Variants in FRMPD4 observed in about 807,000 individuals in gnomAD.
FRMPD4 encodes FERM and PDZ domain-containing protein 4.
FRMPD4 carries 22 observed loss-of-function variants against 94.1 expected under a neutral mutation model. That is an observed-to-expected ratio of 0.23 (90% CI 0.17 to 0.33). FRMPD4 has a LOEUF of 0.33. Ranked by LOEUF, FRMPD4 falls within the 10% of genes least tolerant of loss-of-function variation. The pLI is 1.00. For synonymous variants in FRMPD4, 631 were observed against 548.6 expected, an observed-to-expected ratio of 1.15 and a Z score of -2.10; for missense variants, 1,111 against 1,339.9, an observed-to-expected ratio of 0.83 and a Z score of 2.67.
rs17255649 is a variant in FRMPD4, at chrX:11,895,037, A to G, written c.95+17019A>G. On this transcript the variant is annotated intron_variant, in intron 3 of 18. Coordinates refer to the FRMPD4 transcript ENST00000640291. ...GTAAAAGGTCTTAGAGCCTCTTCCC[A>G]GAAATATGTGCTCCAAGGACCAGAA... 4.7e-3 allele frequency among the ~76,000 whole-genome samples: 533 copies of G among 112,463 alleles called. 5 individuals carry two copies. The highest frequency in any genetic ancestry group is 6.8e-3 in the Non-Finnish European group (364 of 53,259).
intron 1 of FRMPD4, among the ~76,000 whole-genome samples, chrX:12,398,072 CTTTGA>C (rs1305248711): frequency 1.8e-5 from 2 of 111,074 alleles, no homozygotes; most frequent in Non-Finnish European, 3.8e-5. Flanking sequence ...GGGAGCACAC[CTTTGA>C]TTTGACCACT....
intron 1 of FRMPD4, among the ~76,000 whole-genome samples, chrX:12,281,371 TC>T (rs1356302759): frequency 9.7e-6 from 1 of 102,742 alleles, no homozygotes; most frequent in Non-Finnish European, 2.0e-5. Context: ...TTTAAAAAAG[TC>T]TTTTTTTTTT....
At chrX:12,686,246 T>C in intron 7 of FRMPD4, 42 bp downstream of exon 7, 1 of 644,292 alleles carries the variant, frequency 1.6e-6, no homozygotes, top group Middle Eastern at 3.0e-4. Context: ...CGCTTTCAGG[T>C]ACAACATGCA....
At chrX:12,029,935 C>T (rs2054682113) in intron 3 of FRMPD4, among the ~76,000 whole-genome samples, 1 of 111,547 alleles carries the variant, frequency 9.0e-6, no homozygotes, top group Admixed American at 9.5e-5. Flanking sequence ...GGAGACCTTC[C>T]AATTCAACAT....
At chrX:12,276,367 A>G (rs2054435761) in intron 1 of FRMPD4, among the ~76,000 whole-genome samples, 1 of 112,477 alleles carries the variant, frequency 8.9e-6, no homozygotes, top group African/African-American at 3.2e-5. Context: ...TTGGGGAAAC[A>G]TAAGGCATCA....
chrX:12,362,399 C>T (rs1267961241), intron 1 of FRMPD4, among the ~76,000 whole-genome samples: 3 of 110,153 alleles, frequency 2.7e-5, no homozygotes, highest in Admixed American at 1.9e-4. Context: ...ATGTTCCCCA[C>T]CCTGTGTCCA....
chrX:11,949,570 G>A (rs763746863), intron 3 of FRMPD4, among the ~76,000 whole-genome samples: 2 of 112,389 alleles, frequency 1.8e-5, no homozygotes, highest in Admixed American at 1.9e-4. Flanking sequence ...GTATATGTGT[G>A]TGTGTATGTG....
At chrX:12,546,870 A>C (rs1208034729) in intron 2 of FRMPD4, among the ~76,000 whole-genome samples, 2 of 108,960 alleles carry the variant, frequency 1.8e-5, no homozygotes, top group African/African-American at 6.7e-5. Flanking sequence ...CACTGGTACC[A>C]GGCTGGGTGA....
intron 1 of FRMPD4, among the ~76,000 whole-genome samples, chrX:12,318,062 G>A (rs5979589): frequency 0.27 from 30,173 of 111,817 alleles, 3,790 homozygotes; most frequent in African/African-American, 0.49. Context: ...GTGCCCATCA[G>A]TGGATGAATG....
intron 16 of FRMPD4, among the ~76,000 whole-genome samples, chrX:12,720,280 A>G (rs978754668): frequency 1.8e-5 from 2 of 111,745 alleles, no homozygotes; most frequent in Non-Finnish European, 3.8e-5. Context: ...AATGTTTGGG[A>G]TTTCTAGACA....
chrX:12,370,604 C>G (rs1211852617), intron 1 of FRMPD4, among the ~76,000 whole-genome samples: 2 of 112,320 alleles, frequency 1.8e-5, no homozygotes, highest in African/African-American at 6.5e-5. Flanking sequence ...CTGCAAAAAT[C>G]TGCTCACGTG....
chrX:12,003,504 C>G (rs1186499363), intron 3 of FRMPD4, among the ~76,000 whole-genome samples: 1 of 111,608 alleles, frequency 9.0e-6, no homozygotes, highest in Non-Finnish European at 1.9e-5. Flanking sequence ...ACCTTCACCT[C>G]AGGTGATCCT....
chrX:12,210,247 G>A (rs1307901684), intron 1 of FRMPD4, among the ~76,000 whole-genome samples: 3 of 112,173 alleles, frequency 2.7e-5, no homozygotes, highest in Non-Finnish European at 5.6e-5. Context: ...AGCTGCTTCT[G>A]CATGATACAC....
At chrX:12,048,697 T>A (rs1336005521) in intron 3 of FRMPD4, among the ~76,000 whole-genome samples, 2 of 112,236 alleles carry the variant, frequency 1.8e-5, no homozygotes, top group Non-Finnish European at 3.8e-5. Flanking sequence ...TTCATTCATC[T>A]GCATATGGCT....
chrX:12,012,001 A>G (rs1372056459), intron 3 of FRMPD4, among the ~76,000 whole-genome samples: 11 of 109,539 alleles, frequency 1.0e-4, no homozygotes, highest in Admixed American at 9.7e-5. Context: ...CCCAGGTTCA[A>G]GTGATTCTCC....
chrX:12,000,479 A>G (rs5933948), intron 3 of FRMPD4, among the ~76,000 whole-genome samples: 9,804 of 111,963 alleles, frequency 0.088, 358 homozygotes, highest in East Asian at 0.24. Flanking sequence ...AAGTTCAATT[A>G]TAGTACTAGT....
intron 1 of FRMPD4, among the ~76,000 whole-genome samples, chrX:12,447,728 T>G (rs1296337354): frequency 8.9e-6 from 1 of 112,084 alleles, no homozygotes; most frequent in Non-Finnish European, 1.9e-5. Flanking sequence ...AATTGAAGTC[T>G]GTACAGATTC....
chrX:11,910,130 G>T (rs952792285), intron 3 of FRMPD4, among the ~76,000 whole-genome samples: 1 of 111,181 alleles, frequency 9.0e-6, no homozygotes, highest in Non-Finnish European at 1.9e-5. Flanking sequence ...TATAATTTTT[G>T]ATTTGTCCAT....
intron 3 of FRMPD4, among the ~76,000 whole-genome samples, chrX:11,891,723 T>C (rs983146980): frequency 7.1e-5 from 8 of 112,140 alleles, no homozygotes; most frequent in Admixed American, 5.7e-4. Flanking sequence ...GGAGTAATAA[T>C]TTTATCTCCT....
Sources: allele counts gnomAD v4.1 joint callset (sites outside exome capture counted in the v4.1 genomes callset), GRCh38; gene constraint gnomAD v4.1.1; transcripts MANE v1.5; gene names NCBI Gene and HGNC (gene_info 2026-07-23, HGNC 2026-07-21).